Variants in GTF2I observed in about 807,000 individuals in gnomAD.
The protein encoded by GTF2I is general transcription factor II-I.
Under a neutral mutation model 67.6 loss-of-function variants are expected in GTF2I, and 12 were observed. That is an observed-to-expected ratio of 0.18 (90% CI 0.11 to 0.29). The LOEUF (loss-of-function observed/expected upper bound fraction) is 0.29, where lower values mean the gene tolerates loss of function less well. Ranked by LOEUF, GTF2I falls within the 10% of genes least tolerant of loss-of-function variation. The probability of loss-of-function intolerance (pLI) is 1.00; values close to 1 mark genes in which losing one functional copy is unlikely to be tolerated. For missense variants in GTF2I, 271 were observed against 580.1 expected (o/e 0.47, Z 5.47); for synonymous variants, 149 against 197.0 (o/e 0.76, Z 2.04).
intron 6 of GTF2I, among the ~76,000 whole-genome samples, chr7:74,703,188 ATTTTT>A (rs1208298391): frequency 6.7e-6 from 1 of 149,596 alleles, no homozygotes; most frequent in African/African-American, 2.5e-5. Flanking sequence ...TTAAAAAAAA[ATTTTT>A]TTTTTCTTTT....
chr7:74,727,363 G>A (rs1341017977), intron 12 of GTF2I: 1 of 152,130 alleles, frequency 6.6e-6, no homozygotes, highest in Non-Finnish European at 1.5e-5. Context: ...GTGCTGCCCC[G>A]GGCAACATCG....
chr7:74,700,061 C>T (rs782181652), intron 4 of GTF2I, 186 bp from the exon 5 acceptor site: 13 of 578,890 alleles, frequency 2.2e-5, no homozygotes, highest in Admixed American at 9.7e-5. Context: ...TTTGGCCCTT[C>T]GGATCAGTTT....
At chr7:74,669,224 G>GTTTTTTTTTTTTTTTTTTTTTTTTTTT (rs34714148) in intron 1 of GTF2I, among the ~76,000 whole-genome samples, 1 of 75,452 alleles carries the variant, frequency 1.3e-5, no homozygotes. Context: ...GACTAGTTTA[G>GTTTTTTTTTTTTTTTTTTTTTTTTTTT]TTTTTTTTTT....
chr7:74,677,258 C>T (rs1327150634), intron 1 of GTF2I, among the ~76,000 whole-genome samples: 1 of 152,082 alleles, frequency 6.6e-6, no homozygotes, highest in Non-Finnish European at 1.5e-5. Flanking sequence ...TTATTTTAAG[C>T]ACTATTTTAG....
chr7:74,683,802 A>T (rs888407732), intron 1 of GTF2I, among the ~76,000 whole-genome samples: 1 of 152,168 alleles, frequency 6.6e-6, no homozygotes, highest in Admixed American at 6.5e-5. Flanking sequence ...TCAGTGAGCC[A>T]GGATCGTGCC....
chr7:74,680,710 C>T (rs1269597082), intron 1 of GTF2I, among the ~76,000 whole-genome samples: 2 of 152,238 alleles, frequency 1.3e-5, no homozygotes, highest in Middle Eastern at 3.4e-3. Flanking sequence ...CCACTGTACT[C>T]GTCCAGGCAA....
In GTF2I at chr7:74,666,695, C is replaced by T. The variant is rs1341984382; in HGVS notation, c.-6+8627C>T. Among the ~76,000 whole-genome samples, 7 of 150,632 alleles carry T rather than the reference C, an allele frequency of 4.6e-5. No individual in the cohort carries two copies. The Admixed American group carries it at 4.7e-4, about 10-fold the overall frequency. Reference sequence around the variant, plus strand: ...AAAAATACAAAAAATTGGCCGGGCACGGTGGCTCACACCTGTAATCCCAGC... The same window carrying T: ...AAAAATACAAAAAATTGGCCGGGCATGGTGGCTCACACCTGTAATCCCAGC... On this transcript the variant is annotated intron_variant, in intron 1 of 34. Transcript: ENST00000573035.
chr7:74,698,176 C>T (rs1465832025), intron 3 of GTF2I, among the ~76,000 whole-genome samples: 4 of 152,082 alleles, frequency 2.6e-5, no homozygotes, highest in African/African-American at 7.2e-5. Context: ...AGGATGGTCT[C>T]GATCTCCTGA....
chr7:74,670,584 G>T (rs954921832), intron 1 of GTF2I, among the ~76,000 whole-genome samples: 12 of 151,680 alleles, frequency 7.9e-5, no homozygotes, highest in Admixed American at 2.0e-4. Context: ...TGTAGTCCCA[G>T]GTACTCGAGG....
chr7:74,676,576 CAT>C (rs1554392452), intron 1 of GTF2I, among the ~76,000 whole-genome samples: 1 of 151,968 alleles, frequency 6.6e-6, no homozygotes, highest in Non-Finnish European at 1.5e-5. Context: ...GTGTGAACCA[CAT>C]GTCTAGAAAA....
chr7:74,659,113 C>A (rs587707078), intron 1 of GTF2I, among the ~76,000 whole-genome samples: 1 of 152,208 alleles, frequency 6.6e-6, no homozygotes, highest in East Asian at 1.9e-4. Flanking sequence ...TGTGGAGATG[C>A]GTTCTCACTT....
chr7:74,698,120 G>T (rs925201233), intron 3 of GTF2I, among the ~76,000 whole-genome samples: 2 of 152,032 alleles, frequency 1.3e-5, no homozygotes, highest in Non-Finnish European at 2.9e-5. Flanking sequence ...CACGCCCGGA[G>T]AATTTTTTGT....
At chr7:74,658,675 G>GT (rs1188877548) in intron 1 of GTF2I, among the ~76,000 whole-genome samples, 2 of 150,134 alleles carry the variant, frequency 1.3e-5, no homozygotes, top group South Asian at 2.1e-4. Context: ...CGGGAGCGCT[G>GT]TCCCCCGCCC....
intron 1 of GTF2I, among the ~76,000 whole-genome samples, chr7:74,662,963 C>T (rs1554387231): frequency 7.9e-5 from 12 of 152,148 alleles, no homozygotes; most frequent in Non-Finnish European, 1.0e-4. Context: ...GGGATCCCAA[C>T]TTCCATGGCC....
intron 6 of GTF2I, among the ~76,000 whole-genome samples, chr7:74,701,087 T>G (rs2131341944): frequency 6.6e-6 from 1 of 152,328 alleles, no homozygotes; most frequent in East Asian, 1.9e-4. Context: ...GAGAAAGTGC[T>G]GTGGATGTTA....
chr7:74,711,793 G>A (rs1220011863), intron 9 of GTF2I, among the ~76,000 whole-genome samples: 1 of 152,066 alleles, frequency 6.6e-6, no homozygotes, highest in Non-Finnish European at 1.5e-5. Context: ...CCATTTGATT[G>A]TTGATTTGTA....
intron 26 of GTF2I, among the ~76,000 whole-genome samples, chr7:74,750,636 C>T (rs587658528): frequency 1.8e-3 from 174 of 98,250 alleles, no homozygotes; most frequent in African/African-American, 6.5e-3. Flanking sequence ...GACAGAATCT[C>T]GCTCTGTACC....
At chr7:74,739,024 C>CTTTT (rs1278776135) in intron 19 of GTF2I, among the ~76,000 whole-genome samples, 1 of 23,080 alleles carries the variant, frequency 4.3e-5, no homozygotes, top group Non-Finnish European at 9.7e-5. Context: ...TCTTTCCTAT[C>CTTTT]TTTTTTTTTT....
At chr7:74,725,766 G>A (rs190807143) in intron 12 of GTF2I, among the ~76,000 whole-genome samples, 1 of 151,650 alleles carries the variant, frequency 6.6e-6, no homozygotes, top group East Asian at 1.9e-4. Flanking sequence ...AGGAAAATGT[G>A]ATATCCCTGA....
Sources: gnomAD v4.1 joint callset for allele counts (sites outside exome capture counted in the v4.1 genomes callset) on GRCh38, gnomAD v4.1.1 for gene constraint, MANE v1.5 for transcripts, NCBI Gene and HGNC (gene_info 2026-07-23, HGNC 2026-07-21) for gene names.